The following SHANK1 variants were observed in gnomAD, a reference collection of about 807,000 sequenced individuals.
SHANK1 encodes the protein SH3 and multiple ankyrin repeat domains protein 1.
A neutral mutation model predicts 165.6 loss-of-function variants in SHANK1; 35 were observed. The observed-to-expected ratio is 0.21, with a 90% CI of 0.16 to 0.28. SHANK1 has a LOEUF of 0.28. SHANK1 is among the 10% of genes least tolerant of loss of function. The pLI, the probability that SHANK1 is intolerant of heterozygous loss-of-function variation, is 1.00. For missense variants in SHANK1, 2,681 were observed against 3,036.4 expected, an observed-to-expected ratio of 0.88 and a Z score of 2.75; for synonymous variants, 1,428 against 1,384.8, an observed-to-expected ratio of 1.03 and a Z score of -0.69.
chr19:50,672,179 G>A, intron 21 of SHANK1, 65 bp from the exon 22 acceptor site: 2 of 1,297,464 alleles, frequency 1.5e-6, no homozygotes, highest in East Asian at 2.4e-5. Flanking sequence ...AGCGCAGAAA[G>A]GCTTGTGGCT....
chr19:50,663,434 C>A (rs8101383), intron 23 of SHANK1, among the ~76,000 whole-genome samples: 2 of 151,942 alleles, frequency 1.3e-5, no homozygotes, highest in African/African-American at 2.4e-5. Context: ...CACTCTTGCC[C>A]TGGGCAGCTG....
chr19:50,675,061 CAAA>C (rs10560370), intron 21 of SHANK1, among the ~76,000 whole-genome samples: 2,070 of 85,676 alleles, frequency 0.024, 50 homozygotes, highest in African/African-American at 0.078. Context: ...CACTCGGTCT[CAAA>C]AAAAAAAAAA....
chr19:50,716,860 G>T lies in SHANK1; in HGVS notation c.60C>A (p.Pro20=). 2 of 1,523,464 alleles carry T rather than the reference G, an allele frequency of 1.3e-6. No individual in the cohort carries two copies. The highest frequency in any genetic ancestry group is 2.3e-5 in the East Asian group (1 of 42,966). The allele number at this position is 1,523,464 out of a possible 1,614,324, so 94.4% of individuals were successfully genotyped here. The change falls in exon 2 of 24, where the codon CCC becomes CCA. Residue 20 remains proline (P), a synonymous_variant. Transcript: ENST00000293441. The surrounding 1 kb of genome is among the most constrained non-coding windows in gnomAD (Gnocchi z 8.4). ...DEERHSASEC[P]EGGSESDSSP... Reference sequence around the variant, plus strand: ...AGCTGTCGGACTCTGAGCCCCCCTCGGGACACTCGCTGGCACTGTGGCGTT... The same window carrying T: ...AGCTGTCGGACTCTGAGCCCCCCTCTGGACACTCGCTGGCACTGTGGCGTT...
At chr19:50,693,647 C>T (rs1162035047) in intron 15 of SHANK1, among the ~76,000 whole-genome samples, 1 of 152,116 alleles carries the variant, frequency 6.6e-6, no homozygotes, top group Non-Finnish European at 1.5e-5. Flanking sequence ...CGGGCGCACC[C>T]CCAACCCCGC....
In SHANK1 at chr19:50,716,358, C is replaced by T; in HGVS notation, c.376G>A (p.Gly126Ser). Residue 126 changes from glycine to serine, a missense_variant, in exon 3 of 24, where the codon GGC (glycine) becomes AGC (serine). Physicochemically the swap from Gly to Ser is moderately conservative, Grantham distance 56. Transcript: ENST00000293441. This position sits in a 1 kb window ranked among gnomAD's most constrained non-coding sequence, Gnocchi z 8.4. ...TCCTCCAGGAAGTTGGCATCGCGGC[C>T]GGAGGTGGCCGGTTGGAACAGGCCA... is the stretch of plus-strand genomic sequence containing the variant. The part of the protein sequence containing the change: ...NYGLFQPATS[G>S]RDANFLEEER... The T allele has an allele frequency of 1.4e-5, 23 of 1,614,186 alleles. No homozygotes were observed. The highest frequency in any genetic ancestry group is 1.9e-5 in the Non-Finnish European group (22 of 1,180,026).
chr19:50,717,056 A>C lies in SHANK1; in HGVS notation c.-43-94T>G. The C allele has an allele frequency of 2.9e-6, 3 of 1,047,088 alleles. No individual in the cohort carries two copies. The highest frequency in any genetic ancestry group is 3.8e-6 in the Non-Finnish European group (3 of 789,320). 64.9% of individuals were successfully genotyped at this position (1,047,088 alleles called of 1,614,324 possible). A position where few individuals can be genotyped will look rare whatever the true frequency, so the allele number is the denominator to read the frequency against. On this transcript the variant is annotated intron_variant, in intron 1 of 23. Transcript: ENST00000293441. The surrounding 1 kb of genome is among the most constrained non-coding windows in gnomAD (Gnocchi z 5.5). ...GTGGTCAAGCGGTCAAGGGCAGCCT[A>C]CCCCCACTGCCCAAGATAGGCAGGA... is the stretch of plus-strand genomic sequence containing the variant.
intron 12 of SHANK1, among the ~76,000 whole-genome samples, chr19:50,699,055 G>A (rs1423723537): frequency 2.0e-5 from 3 of 152,222 alleles, no homozygotes; most frequent in African/African-American, 7.2e-5. Context: ...TATGCTAGGG[G>A]TTGAGTTGGG....
Position 50,661,432 on chromosome 19 carries a change from G to T in SHANK1, c.*533C>A, listed in dbSNP as rs903231902. Among the ~76,000 whole-genome samples, 6 of 152,006 alleles carry T rather than the reference G, an allele frequency of 3.9e-5. No homozygotes were observed. The highest frequency in any genetic ancestry group is 1.5e-4 in the African/African-American group (6 of 41,370). ...CAAAATTGCAGCCCGGGGACGGGAG[G>T]GGAGAGAGGTGAGCAGGCGTGCAAC... On this transcript the variant is annotated 3_prime_UTR_variant, in exon 24 of 24. Transcript: ENST00000293441.
At chr19:50,709,592 C>T (rs2088984412) in intron 8 of SHANK1, among the ~76,000 whole-genome samples, 2 of 152,062 alleles carry the variant, frequency 1.3e-5, no homozygotes, top group Admixed American at 1.3e-4. Flanking sequence ...CTCTGTCACC[C>T]AGGCTGGAGT....
chr19:50,683,912 G>C (rs971414894), intron 21 of SHANK1, among the ~76,000 whole-genome samples: 1 of 152,206 alleles, frequency 6.6e-6, no homozygotes, highest in Admixed American at 6.5e-5. Flanking sequence ...TAGAAACTAT[G>C]ACGGACAGGA....
chr19:50,718,948 G>A lies in SHANK1; in HGVS notation c.-44+458C>T, dbSNP rs1461954382. On this transcript the variant is annotated intron_variant, in intron 1 of 23. Transcript: ENST00000293441. This position sits in a 1 kb window ranked among gnomAD's most constrained non-coding sequence, Gnocchi z 5.1. Reference sequence around the variant, plus strand: ...GAAAGGGACTGGAGGAGCCTGGAAGGAGAAGCGGGAGCTGGAGGGGTCGAA... The same window carrying A: ...GAAAGGGACTGGAGGAGCCTGGAAGAAGAAGCGGGAGCTGGAGGGGTCGAA... Among the ~76,000 whole-genome samples the A allele has an allele frequency of 6.6e-6, 1 of 151,922 alleles. No individual in the cohort carries two copies. Among genetic ancestry groups the A allele is most frequent in the African/African-American group, 2.4e-5 (1 of 41,360 alleles).
chr19:50,666,088 C>T (rs1985495214), intron 23 of SHANK1, 104 bp downstream of exon 23: 1 of 1,148,534 alleles, frequency 8.7e-7, no homozygotes, highest in Admixed American at 3.2e-5. Flanking sequence ...AAACTCCTGC[C>T]AACCTGGTTT....
intron 8 of SHANK1, among the ~76,000 whole-genome samples, chr19:50,704,954 C>T (rs1479126261): frequency 1.3e-5 from 2 of 151,766 alleles, no homozygotes; most frequent in African/African-American, 4.8e-5. Flanking sequence ...ACTTGGGAGG[C>T]TGAGGTGGGA....
chr19:50,702,454 C>T lies in SHANK1; in HGVS notation c.1747+13G>A, dbSNP rs1330002898. The T allele has an allele frequency of 1.2e-6, 2 of 1,602,814 alleles. No individual in the cohort carries two copies. The highest frequency in any genetic ancestry group is 1.3e-5 in the African/African-American group (1 of 74,830). ...GCCCAGCCCAGCCCAGGCCCTGCTT[C>T]CACCCTGGGTACCTTTGATCTTCTC... On this transcript the variant is annotated intron_variant, in intron 12 of 23. Coordinates refer to ENST00000293441, the MANE Select transcript of SHANK1 (RefSeq NM_016148.5). The surrounding 1 kb of genome is among the most constrained non-coding windows in gnomAD (Gnocchi z 5.3).
Position 50,688,143 on chromosome 19 carries a change from C to T in SHANK1, c.2173-85G>A. ...TCAGAGACCCCAAGGAGGATGCCTC[C>T]TGCGCTGCCCTGTCCATGGCCCTCT... On this transcript the variant is annotated intron_variant, in intron 17 of 23. Coordinates refer to ENST00000293441, the MANE Select transcript of SHANK1 (RefSeq NM_016148.5). This position sits in a 1 kb window ranked among gnomAD's most constrained non-coding sequence, Gnocchi z 6.7. 1.3e-6 allele frequency: 2 copies of T among 1,506,080 alleles called. No homozygotes were observed. The highest frequency in any genetic ancestry group is 1.8e-6 in the Non-Finnish European group (2 of 1,098,906). The allele number at this position is 1,506,080 out of a possible 1,614,324, so 93.3% of individuals were successfully genotyped here.
chr19:50,703,694 G>C lies in SHANK1; in HGVS notation c.1359C>G (p.Ala453=), dbSNP rs2088899597. ...MALPDWMVFS[A]PGAASSGAPG... is the part of the protein sequence containing the mutation. ...GGGCCCCAGAGGACGCGGCCCCCGGGGCGGAGAACACCATCCAGTCGGGCA... is the reference window on the plus strand; with the variant it reads ...GGGCCCCAGAGGACGCGGCCCCCGGCGCGGAGAACACCATCCAGTCGGGCA... Residue 453 remains alanine (A), a synonymous_variant, in exon 11 of 24, where the codon GCC becomes GCG. Transcript: ENST00000293441. 8.2e-6 allele frequency: 12 copies of C among 1,466,254 alleles called. No homozygotes were observed. In the East Asian group the frequency reaches 3.0e-4, roughly 37 times the overall value. The allele number at this position is 1,466,254 out of a possible 1,614,324, so 90.8% of individuals were successfully genotyped here. A position where few individuals can be genotyped will look rare whatever the true frequency, so the allele number is the denominator to read the frequency against.
chr19:50,667,505 G>C lies in SHANK1; in HGVS notation c.4455C>G (p.Pro1485=), dbSNP rs930880462. ...ACCGCACGTGCAGCGGCAGCCGCTCGGGTTCTTCGGGGGCTGCGGACCTCC... is the reference window on the plus strand; with the variant it reads ...ACCGCACGTGCAGCGGCAGCCGCTCCGGTTCTTCGGGGGCTGCGGACCTCC... ...KPWRSAAPEE[P]ERLPLHVRFL... The change falls in exon 23 of 24, where the codon CCC becomes CCG. Residue 1485 remains proline, a synonymous_variant. Transcript: ENST00000293441. This position sits in a 1 kb window ranked among gnomAD's most constrained non-coding sequence, Gnocchi z 5.7. The C allele has an allele frequency of 1.3e-6, 2 of 1,521,712 alleles. No individual in the cohort carries two copies. Among genetic ancestry groups the C allele is most frequent in the Non-Finnish European group, 1.7e-6 (2 of 1,147,534 alleles). The allele number at this position is 1,521,712 out of a possible 1,614,324, so 94.3% of individuals were successfully genotyped here.
intron 15 of SHANK1, among the ~76,000 whole-genome samples, chr19:50,692,506 AG>A (rs1002627241): frequency 1.4e-5 from 2 of 141,542 alleles, no homozygotes; most frequent in Non-Finnish European, 3.1e-5. Context: ...TGAGGCAGGG[AG>A]GGGGGTCCAA....
chr19:50,687,622 G>A lies in SHANK1; in HGVS notation c.2349C>T (p.Ser783=), dbSNP rs371414359. The part of the protein sequence containing the change: ...QAKRLPPPTI[S]LRSKSMTSEL... The stretch of plus-strand genomic sequence containing the variant: ...CTGAGGTCATAGATTTGGAACGCAG[G>A]GAGATGGTTGGGGGCGGCAGCCGCT... Residue 783 remains serine (S), a synonymous_variant, in exon 19 of 24, where the codon TCC becomes TCT. Transcript: ENST00000293441. 3.3e-6 allele frequency: 5 copies of A among 1,534,746 alleles called. No homozygotes were observed. In the East Asian group the frequency reaches 9.8e-5, roughly 30 times the overall value.
Sources: allele counts gnomAD v4.1 joint callset (sites outside exome capture counted in the v4.1 genomes callset), GRCh38; gene constraint gnomAD v4.1.1; non-coding constraint Gnocchi (gnomAD v3.1); transcripts MANE v1.5; gene names NCBI Gene and HGNC (gene_info 2026-07-23, HGNC 2026-07-21).